ATP1A1: variants seen among roughly 807,000 people sequenced by gnomAD.
The protein encoded by ATP1A1 is sodium/potassium-transporting ATPase subunit alpha-1.
Under a neutral mutation model 114.8 loss-of-function variants are expected in ATP1A1, and 14 were observed. The observed-to-expected ratio is 0.12, with a 90% CI of 0.08 to 0.19. The LOEUF is 0.19. Ranked by LOEUF, ATP1A1 falls within the 10% of genes least tolerant of loss-of-function variation. The pLI is 1.00. For synonymous variants in ATP1A1, 471 were observed against 466.3 expected (o/e 1.01, Z -0.13); for missense variants, 524 against 1,290.7 (o/e 0.41, Z 9.10).
At position 116,388,911 on chromosome 1, in the gene ATP1A1, T is replaced by G. The variant is rs1264667039; in HGVS notation, c.646T>G (p.Ser216Ala). 2 of 1,614,160 alleles carry G rather than the reference T, an allele frequency of 1.2e-6. No homozygotes were observed. Among genetic ancestry groups the G allele is most frequent in the Admixed American group, 3.3e-5 (2 of 60,024 alleles). ...ISANGCKVDNSSLTGESEPQT... is the reference protein window; with the variant it reads ...ISANGCKVDNASLTGESEPQT... The stretch of plus-strand genomic sequence containing the variant: ...TTTTCCTCACATATAGGTGGATAAC[T>G]CCTCGCTCACTGGTGAATCAGAACC... The change falls in exon 7 of 23, where the codon TCC becomes GCC. Residue 216 changes from serine (S) to alanine (A), a missense_variant. Ser to Ala is a moderately conservative substitution (Grantham distance 99, BLOSUM62 1). Around this residue, in one of 8 missense-constraint regions of ATP1A1, gnomAD observed 141 missense variants for 316.6 expected, o/e 0.45. Coordinates refer to ENST00000295598, the MANE Select transcript of ATP1A1 (RefSeq NM_000701.8). The surrounding 1 kb of genome is among the most constrained non-coding windows in gnomAD (Gnocchi z 5.6).
chr1:116,376,518 G>C (rs1198138262), intron 1 of ATP1A1, among the ~76,000 whole-genome samples: 5 of 152,200 alleles, frequency 3.3e-5, no homozygotes, highest in African/African-American at 1.2e-4. Flanking sequence ...GGGGTGGAGA[G>C]AGCACTTGTG....
rs2101035319 is a variant in ATP1A1, at chr1:116,381,978, C to T, written c.13-2036C>T. Among the ~76,000 whole-genome samples the T allele has an allele frequency of 6.6e-6, 1 of 152,240 alleles. No homozygotes were observed. Among genetic ancestry groups the T allele is most frequent in the East Asian group, 1.9e-4 (1 of 5,182 alleles). ...GATCATGAGGTAAGGAGTTCAAGAC[C>T]AGCCTGGCCAAGATGGTGAAACCCC... On this transcript the variant is annotated intron_variant, in intron 1 of 22. Coordinates refer to ENST00000295598, the MANE Select transcript of ATP1A1 (RefSeq NM_000701.8). The surrounding 1 kb of genome is among the most constrained non-coding windows in gnomAD (Gnocchi z 5.1).
chr1:116,384,327 A>C lies in ATP1A1; in HGVS notation c.123+203A>C, dbSNP rs1002745533. The stretch of plus-strand genomic sequence containing the variant: ...AGAGGGTAGGAAAAGTTATTCAGTC[A>C]CTCTGGCATAACCAGAGATAACAGA... On this transcript the variant is annotated intron_variant, in intron 2 of 22. Coordinates refer to ENST00000295598, the MANE Select transcript of ATP1A1 (RefSeq NM_000701.8). This position sits in a 1 kb window ranked among gnomAD's most constrained non-coding sequence, Gnocchi z 5.1. 5.3e-5 allele frequency among the ~76,000 whole-genome samples: 8 copies of C among 152,154 alleles called. No homozygotes were observed. The highest frequency in any genetic ancestry group is 1.0e-4 in the Non-Finnish European group (7 of 68,024).
At position 116,381,647 on chromosome 1, in the gene ATP1A1, T is replaced by C. The variant is rs1304918017; in HGVS notation, c.13-2367T>C. Among the ~76,000 whole-genome samples the C allele has an allele frequency of 1.3e-5, 2 of 152,184 alleles. No homozygotes were observed. The highest frequency in any genetic ancestry group is 2.9e-5 in the Non-Finnish European group (2 of 68,024). On this transcript the variant is annotated intron_variant, in intron 1 of 22. Coordinates refer to ENST00000295598, the MANE Select transcript of ATP1A1 (RefSeq NM_000701.8). The surrounding 1 kb of genome is among the most constrained non-coding windows in gnomAD (Gnocchi z 5.1). ...TCCCAACTAACTTTAGCACTGATAG[T>C]GGTGAAGCTATGGGCAAGACATTTA...
rs1310386899 is a variant in ATP1A1, at chr1:116,399,862, A to C, written c.2572+319A>C. Among the ~76,000 whole-genome samples, 1 of 152,174 alleles carries C rather than the reference A, an allele frequency of 6.6e-6. No homozygotes were observed. The highest frequency in any genetic ancestry group is 2.4e-5 in the African/African-American group (1 of 41,436). ...CGGAACAGGAGGCATGGTTCTAAGG[A>C]ATTGTGTGTACTGACGCACAGGCTG... On this transcript the variant is annotated intron_variant, in intron 18 of 22. Transcript: ENST00000295598. This position sits in a 1 kb window ranked among gnomAD's most constrained non-coding sequence, Gnocchi z 5.0.
chr1:116,388,575 T>C lies in ATP1A1; in HGVS notation c.502-63T>C. 1 of 1,533,610 alleles carries C rather than the reference T, an allele frequency of 6.5e-7. No homozygotes were observed. On this transcript the variant is annotated intron_variant, in intron 5 of 22. Transcript: ENST00000295598. The surrounding 1 kb of genome is among the most constrained non-coding windows in gnomAD (Gnocchi z 5.6). ...AGGATTATGACTATTTTTATTTTCT[T>C]GTTTTGGACACTACCTTCTCTTTGT...
Position 116,387,146 on chromosome 1 carries a change from G to T in ATP1A1, c.184-142G>T. 1.1e-6 allele frequency: 1 copy of T among 927,198 alleles called. No individual in the cohort carries two copies. The highest frequency in any genetic ancestry group is 3.4e-4 in the Middle Eastern group (1 of 2,944). The allele number at this position is 927,198 out of a possible 1,614,324, so 57.4% of individuals were successfully genotyped here. A position where few individuals can be genotyped will look rare whatever the true frequency, so the allele number is the denominator to read the frequency against. Reference sequence around the variant, plus strand: ...AGCAGAATTATTCATGGAGGAATTTGCTAGGTTTTACCTTGGCTCTCTAGC... The same window carrying T: ...AGCAGAATTATTCATGGAGGAATTTTCTAGGTTTTACCTTGGCTCTCTAGC... On this transcript the variant is annotated intron_variant, in intron 3 of 22. Transcript: ENST00000295598. The surrounding 1 kb of genome is among the most constrained non-coding windows in gnomAD (Gnocchi z 6.7).
rs1653463469 is a variant in ATP1A1, at chr1:116,401,352, AT to A, written c.2849+93del. The A allele has an allele frequency of 6.3e-7, 1 of 1,582,834 alleles. No individual in the cohort carries two copies. The highest frequency in any genetic ancestry group is 8.6e-7 in the Non-Finnish European group (1 of 1,160,162). On this transcript the variant is annotated intron_variant, in intron 20 of 22. Coordinates refer to ENST00000295598, the MANE Select transcript of ATP1A1 (RefSeq NM_000701.8). The surrounding 1 kb of genome is among the most constrained non-coding windows in gnomAD (Gnocchi z 4.7). ...GCCAAAAACTAAACATATGACACAT[AT>A]AGCCAGGTTTCTGGAATCTCTAGTT... is the stretch of plus-strand genomic sequence containing the variant.
At chr1:116,374,169 C>T (rs974950030) in intron 1 of ATP1A1, 13 of 1,549,774 alleles carry the variant, frequency 8.4e-6, no homozygotes, top group Non-Finnish European at 1.1e-5. Context: ...CTGGCTGCTT[C>T]TAAGTGCGAA....
rs1570976118 is a variant in ATP1A1 at position 116,399,273 on chromosome 1, A to G, written c.2449-147A>G. On this transcript the variant is annotated intron_variant, in intron 17 of 22. Coordinates refer to ENST00000295598, the MANE Select transcript of ATP1A1 (RefSeq NM_000701.8). This position sits in a 1 kb window ranked among gnomAD's most constrained non-coding sequence, Gnocchi z 5.0. The stretch of plus-strand genomic sequence containing the variant: ...ACCACTCTTCAAGGCAGCAGTTAAC[A>G]TTTGTTTATCAGATGGGAATCTTTA... 7.3e-7 allele frequency: 1 copy of G among 1,375,794 alleles called. No homozygotes were observed. Among genetic ancestry groups the G allele is most frequent in the African/African-American group, 1.5e-5 (1 of 68,554 alleles). The allele number at this position is 1,375,794 out of a possible 1,614,324, so 85.2% of individuals were successfully genotyped here. A position where few individuals can be genotyped will look rare whatever the true frequency, so the allele number is the denominator to read the frequency against.
chr1:116,385,336 C>T lies in ATP1A1; in HGVS notation c.183+494C>T, dbSNP rs1225006346. 6.3e-6 allele frequency: 1 copy of T among 158,726 alleles called. No homozygotes were observed. Among genetic ancestry groups the T allele is most frequent in the Non-Finnish European group, 1.4e-5 (1 of 72,860 alleles). The allele number at this position is 158,726 out of a possible 1,614,324, so 9.8% of individuals were successfully genotyped here. On this transcript the variant is annotated intron_variant, in intron 3 of 22. Coordinates refer to ENST00000295598, the MANE Select transcript of ATP1A1 (RefSeq NM_000701.8). This position sits in a 1 kb window ranked among gnomAD's most constrained non-coding sequence, Gnocchi z 4.3. ...TGTTTTGTACAAAAATTAAAGAAAC[C>T]TTTTCATAAAATAGGCGTTATGTAT...
chr1:116,400,602 G>A (rs1455401036), intron 18 of ATP1A1, among the ~76,000 whole-genome samples: 1 of 152,190 alleles, frequency 6.6e-6, no homozygotes, highest in Admixed American at 6.5e-5. Flanking sequence ...TTGAGAGCAA[G>A]GCACATGTGT....
chr1:116,388,653 C>T lies in ATP1A1; in HGVS notation c.517C>T (p.Arg173Ter). Residue 173 changes from arginine (R) to a stop codon, truncating the protein, a stop_gained, in exon 6 of 23, where the codon CGA (arginine) becomes TGA (stop). Transcript: ENST00000295598. LOFTEE classifies it high-confidence loss of function. The surrounding 1 kb of genome is among the most constrained non-coding windows in gnomAD (Gnocchi z 5.6). Reference sequence around the variant, plus strand: ...TTTTCCAAAGCAAGCCCTTGTGATTCGAAATGGTGAGAAAATGAGCATAAA... The same window carrying T: ...TTTTCCAAAGCAAGCCCTTGTGATTTGAAATGGTGAGAAAATGAGCATAAA... ...NMVPQQALVI[R>*]NGEKMSINAE... 1 of 1,614,016 alleles carries T rather than the reference C, an allele frequency of 6.2e-7. No individual in the cohort carries two copies. Among genetic ancestry groups the T allele is most frequent in the African/African-American group, 1.3e-5 (1 of 74,994 alleles).
At chr1:116,391,406 C>T (rs1318618717) in intron 10 of ATP1A1, among the ~76,000 whole-genome samples, 1 of 152,134 alleles carries the variant, frequency 6.6e-6, no homozygotes, top group African/African-American at 2.4e-5. Context: ...AGCTCCAGGC[C>T]AAAATAAGCC....
At position 116,381,844 on chromosome 1, in the gene ATP1A1, A is replaced by G. The variant is rs1651762401; in HGVS notation, c.13-2170A>G. On this transcript the variant is annotated intron_variant, in intron 1 of 22. Coordinates refer to ENST00000295598, the MANE Select transcript of ATP1A1 (RefSeq NM_000701.8). The surrounding 1 kb of genome is among the most constrained non-coding windows in gnomAD (Gnocchi z 5.1). ...ATTTATTGAAATATATTTCAATGATATTCAACTTGCTCAGAGAGAATCCGT... is the reference window on the plus strand; with the variant it reads ...ATTTATTGAAATATATTTCAATGATGTTCAACTTGCTCAGAGAGAATCCGT... Among the ~76,000 whole-genome samples, 1 of 152,206 alleles carries G rather than the reference A, an allele frequency of 6.6e-6. No homozygotes were observed. Among genetic ancestry groups the G allele is most frequent in the African/African-American group, 2.4e-5 (1 of 41,432 alleles).
Position 116,395,061 on chromosome 1 carries a change from T to TA in ATP1A1, c.1661-48dup. On this transcript the variant is annotated intron_variant, in intron 12 of 22. Coordinates refer to ENST00000295598, the MANE Select transcript of ATP1A1 (RefSeq NM_000701.8). This position sits in a 1 kb window ranked among gnomAD's most constrained non-coding sequence, Gnocchi z 6.4. Reference sequence around the variant, plus strand: ...CTGAATAGGCTGCTGTTGTCCTTCTTACTGCCCAGCGTCACTGAAATTTTC... The same window carrying TA: ...CTGAATAGGCTGCTGTTGTCCTTCTTAACTGCCCAGCGTCACTGAAATTTTC... 1 of 1,582,936 alleles carries TA rather than the reference T, an allele frequency of 6.3e-7. No individual in the cohort carries two copies.
Position 116,399,115 on chromosome 1 carries a change from T to C in ATP1A1, c.2448+31T>C. ...TGTCACAACAGTCACAGATCGATAG[T>C]AGTGAGGTGTGAGCTGTGTCTTCAT... is the stretch of plus-strand genomic sequence containing the variant. On this transcript the variant is annotated intron_variant, in intron 17 of 22. Transcript: ENST00000295598. This position sits in a 1 kb window ranked among gnomAD's most constrained non-coding sequence, Gnocchi z 5.0. 6.2e-7 allele frequency: 1 copy of C among 1,613,530 alleles called. No individual in the cohort carries two copies.
At position 116,389,717 on chromosome 1, in the gene ATP1A1, A is replaced by G; in HGVS notation, c.1023+10A>G. The stretch of plus-strand genomic sequence containing the variant: ...GCTGGCCACTGTCACGGTAAGAGGC[A>G]GGTGATGGTCACCCTGACTCAGATC... On this transcript the variant is annotated intron_variant, in intron 8 of 22. Transcript: ENST00000295598. This position sits in a 1 kb window ranked among gnomAD's most constrained non-coding sequence, Gnocchi z 6.9. 6.2e-7 allele frequency: 1 copy of G among 1,613,858 alleles called. No homozygotes were observed. Among genetic ancestry groups the G allele is most frequent in the Non-Finnish European group, 8.5e-7 (1 of 1,179,840 alleles).
Position 116,399,851 on chromosome 1 carries a change from T to C in ATP1A1, c.2572+308T>C, listed in dbSNP as rs1428063848. On this transcript the variant is annotated intron_variant, in intron 18 of 22. Transcript: ENST00000295598. This position sits in a 1 kb window ranked among gnomAD's most constrained non-coding sequence, Gnocchi z 5.0. ...ACTGAGCCTTGCGGAACAGGAGGCATGGTTCTAAGGAATTGTGTGTACTGA... is the reference window on the plus strand; with the variant it reads ...ACTGAGCCTTGCGGAACAGGAGGCACGGTTCTAAGGAATTGTGTGTACTGA... Among the ~76,000 whole-genome samples, 2 of 152,186 alleles carry C rather than the reference T, an allele frequency of 1.3e-5. No individual in the cohort carries two copies. Among genetic ancestry groups the C allele is most frequent in the Non-Finnish European group, 2.9e-5 (2 of 68,028 alleles).
Sources: allele counts gnomAD v4.1 joint callset (sites outside exome capture counted in the v4.1 genomes callset), GRCh38; gene constraint gnomAD v4.1.1; regional missense constraint gnomAD v4.1.1; non-coding constraint Gnocchi (gnomAD v3.1); transcripts MANE v1.5; gene names NCBI Gene and HGNC (gene_info 2026-07-23, HGNC 2026-07-21).